Variants in CCDC85A observed in about 807,000 individuals in gnomAD.
CCDC85A encodes coiled-coil domain containing 85A.
Under a neutral mutation model 50.2 loss-of-function variants are expected in CCDC85A, and 38 were observed. That is an observed-to-expected ratio of 0.76 (90% CI 0.58 to 0.99). CCDC85A has a LOEUF of 0.99. Ranked by LOEUF, CCDC85A falls within the 50% of genes least tolerant of loss-of-function variation. CCDC85A has a pLI of 0.00. For missense variants in CCDC85A, 820 were observed against 742.0 expected (o/e 1.11, Z -1.22); for synonymous variants, 366 against 301.4 (o/e 1.21, Z -2.22).
intron 1 of CCDC85A, among the ~76,000 whole-genome samples, chr2:56,191,802 A>G (rs1676305424): frequency 6.6e-6 from 1 of 152,162 alleles, no homozygotes; most frequent in Non-Finnish European, 1.5e-5. Context: ...CTGAAATGCC[A>G]CTAGAGGGCA....
chr2:56,321,629 A>G (rs1303065050), intron 2 of CCDC85A, among the ~76,000 whole-genome samples: 4 of 152,216 alleles, frequency 2.6e-5, no homozygotes, highest in African/African-American at 9.6e-5. Context: ...ACCACTGTGC[A>G]GTGAAATGAA....
intron 2 of CCDC85A, among the ~76,000 whole-genome samples, chr2:56,214,100 A>C (rs1677295530): frequency 6.7e-6 from 1 of 149,372 alleles, no homozygotes; most frequent in Non-Finnish European, 1.5e-5. Context: ...CAGCCTTCTA[A>C]GGAAAAAGAT....
chr2:56,211,580 C>T (rs547585225), intron 2 of CCDC85A, among the ~76,000 whole-genome samples: 1 of 151,928 alleles, frequency 6.6e-6, no homozygotes, highest in African/African-American at 2.4e-5. Flanking sequence ...GGAAAAATAA[C>T]TAAAACTAAA....
In CCDC85A at chr2:56,184,257, G is replaced by A. The variant is rs1440376057; in HGVS notation, c.-368G>A. 1 of 915,932 alleles carries A rather than the reference G, an allele frequency of 1.1e-6. No homozygotes were observed. Among genetic ancestry groups the A allele is most frequent in the Non-Finnish European group, 1.3e-6 (1 of 754,584 alleles). 56.7% of individuals were successfully genotyped at this position (915,932 alleles called of 1,614,324 possible). A position where few individuals can be genotyped will look rare whatever the true frequency, so the allele number is the denominator to read the frequency against. On this transcript the variant is annotated 5_prime_UTR_variant, in exon 1 of 6. Transcript: ENST00000407595. ...AGAGAGTGCGGGGGGCGACAGTCTC[G>A]GCTTAGGGCGGAGGAGAGGGCAGGG...
chr2:56,374,369 T>G (rs866397844), intron 4 of CCDC85A, among the ~76,000 whole-genome samples: 1 of 152,092 alleles, frequency 6.6e-6, no homozygotes, highest in Non-Finnish European at 1.5e-5. Context: ...AGGGAGAAAA[T>G]CTTCCAAATT....
intron 2 of CCDC85A, among the ~76,000 whole-genome samples, chr2:56,270,491 G>C (rs1005964673): frequency 6.6e-6 from 1 of 152,128 alleles, no homozygotes; most frequent in East Asian, 1.9e-4. Flanking sequence ...TGGATGAAAA[G>C]TAATAGATAC....
At chr2:56,338,686 C>T (rs946930171) in intron 2 of CCDC85A, among the ~76,000 whole-genome samples, 4 of 151,890 alleles carry the variant, frequency 2.6e-5, no homozygotes, top group Non-Finnish European at 5.9e-5. Flanking sequence ...CTCAGCTGAC[C>T]TATGGTAAGT....
At chr2:56,255,483 A>C (rs1237248495) in intron 2 of CCDC85A, among the ~76,000 whole-genome samples, 1 of 152,164 alleles carries the variant, frequency 6.6e-6, no homozygotes, top group East Asian at 1.9e-4. Flanking sequence ...TGGGGAACAC[A>C]AAGATATAGC....
intron 2 of CCDC85A, among the ~76,000 whole-genome samples, chr2:56,200,980 C>T (rs552689756): frequency 6.9e-4 from 104 of 151,302 alleles, no homozygotes; most frequent in African/African-American, 2.4e-3. Flanking sequence ...GTTATTTAGG[C>T]CTTCTGTAGG....
chr2:56,201,277 C>T (rs1025269825), intron 2 of CCDC85A, among the ~76,000 whole-genome samples: 6 of 152,098 alleles, frequency 3.9e-5, no homozygotes, highest in Admixed American at 1.3e-4. Context: ...ATTTTAAAAC[C>T]TGGCAAACAA....
At chr2:56,271,560 G>C (rs543604601) in intron 2 of CCDC85A, among the ~76,000 whole-genome samples, 1 of 152,268 alleles carries the variant, frequency 6.6e-6, no homozygotes, top group Non-Finnish European at 1.5e-5. Context: ...TGCTGGGGTT[G>C]CCTCATAAAC....
At chr2:56,344,652 T>G (rs912886347) in intron 3 of CCDC85A, among the ~76,000 whole-genome samples, 1 of 152,148 alleles carries the variant, frequency 6.6e-6, no homozygotes, top group African/African-American at 2.4e-5. Flanking sequence ...ATTGTTTTCC[T>G]TTTAAAATTT....
chr2:56,320,275 A>G (rs1369672583), intron 2 of CCDC85A, among the ~76,000 whole-genome samples: 1 of 152,188 alleles, frequency 6.6e-6, no homozygotes, highest in East Asian at 1.9e-4. Flanking sequence ...AGAAGGCAAG[A>G]CATAACTAAG....
chr2:56,289,982 AG>A (rs1671629435), intron 2 of CCDC85A, among the ~76,000 whole-genome samples: 1 of 152,162 alleles, frequency 6.6e-6, no homozygotes, highest in African/African-American at 2.4e-5. Context: ...CTTATCCCAG[AG>A]GGGTCGAGGT....
At chr2:56,227,047 G>A (rs1211821040) in intron 2 of CCDC85A, among the ~76,000 whole-genome samples, 1 of 152,160 alleles carries the variant, frequency 6.6e-6, no homozygotes, top group Non-Finnish European at 1.5e-5. Context: ...TGTGGAAAGA[G>A]TGACATTGTT....
Position 56,225,148 on chromosome 2 carries a change from A to C in CCDC85A, c.1240+31708A>C, listed in dbSNP as rs141363609. The stretch of plus-strand genomic sequence containing the variant: ...TTGTGTGTGGATATCCAGTTGTCCC[A>C]GCACCATTTGTTGAAAATACTATTT... On this transcript the variant is annotated intron_variant, in intron 2 of 5. Coordinates refer to ENST00000407595, the MANE Select transcript of CCDC85A (RefSeq NM_001080433.2). Among the ~76,000 whole-genome samples the C allele has an allele frequency of 2.9e-3, 444 of 151,998 alleles. 5 individuals carry two copies. Among genetic ancestry groups the C allele is most frequent in the African/African-American group, 0.01 (420 of 41,430 alleles).
chr2:56,334,910 T>G (rs1019762890), intron 2 of CCDC85A, among the ~76,000 whole-genome samples: 2 of 152,116 alleles, frequency 1.3e-5, no homozygotes, highest in African/African-American at 4.8e-5. Context: ...CTGTCATCTC[T>G]TTTGGGTAGG....
intron 2 of CCDC85A, among the ~76,000 whole-genome samples, chr2:56,196,048 T>C (rs1423636293): frequency 6.6e-6 from 1 of 152,206 alleles, no homozygotes; most frequent in Non-Finnish European, 1.5e-5. Flanking sequence ...GTGCTTATAA[T>C]TACAAACTCA....
intron 2 of CCDC85A, among the ~76,000 whole-genome samples, chr2:56,254,265 A>T (rs570032974): frequency 1.3e-5 from 2 of 151,964 alleles, no homozygotes; most frequent in East Asian, 1.9e-4. Flanking sequence ...TTGTCTTAAC[A>T]TTCTCGGAGG....
Sources: allele counts gnomAD v4.1 joint callset (sites outside exome capture counted in the v4.1 genomes callset), GRCh38; gene constraint gnomAD v4.1.1; transcripts MANE v1.5; gene names NCBI Gene and HGNC (gene_info 2026-07-23, HGNC 2026-07-21).